The following BCAP29 variants were observed in gnomAD, a reference collection of about 807,000 sequenced individuals.
BCAP29 encodes B-cell receptor-associated protein 29.
BCAP29 carries 34 observed loss-of-function variants against 31.8 expected under a neutral mutation model. That is an observed-to-expected ratio of 1.07 (90% CI 0.81 to 1.42). The LOEUF is 1.42. Among genes scored for constraint, BCAP29 ranks in the 40% most tolerant of loss-of-function variants. The pLI is 0.00. For synonymous variants in BCAP29, 104 were observed against 91.3 expected (o/e 1.14, Z -0.79); for missense variants, 314 against 269.2 (o/e 1.17, Z -1.16).
At chr7:107,583,183 A>G (rs1010000982) in intron 2 of BCAP29, among the ~76,000 whole-genome samples, 3 of 152,040 alleles carry the variant, frequency 2.0e-5, no homozygotes, top group Admixed American at 6.6e-5. Context: ...CCACTTTGCC[A>G]TTTATAACCC....
At chr7:107,610,883 A>T (rs1813000961) in intron 6 of BCAP29, among the ~76,000 whole-genome samples, 1 of 152,134 alleles carries the variant, frequency 6.6e-6, no homozygotes, top group African/African-American at 2.4e-5. Context: ...ATTAAGACCA[A>T]CTCCTGTTCA....
intron 6 of BCAP29, among the ~76,000 whole-genome samples, chr7:107,601,711 A>T (rs1052970896): frequency 2.6e-5 from 4 of 152,236 alleles, no homozygotes; most frequent in African/African-American, 9.6e-5. Flanking sequence ...AAGAGAAACT[A>T]GTGTTCTTTT....
chr7:107,589,542 C>T (rs964722237), intron 3 of BCAP29, among the ~76,000 whole-genome samples: 2 of 152,136 alleles, frequency 1.3e-5, no homozygotes, highest in East Asian at 1.9e-4. Flanking sequence ...GTAATGTGAG[C>T]GATAAGGAGT....
intron 4 of BCAP29, among the ~76,000 whole-genome samples, chr7:107,594,842 G>T (rs914509669): frequency 1.9e-4 from 29 of 152,116 alleles, no homozygotes; most frequent in Non-Finnish European, 3.8e-4. Flanking sequence ...GAATTCAGAT[G>T]ATATACCCAA....
chr7:107,599,196 A>AATATATATTTATAAATATATAT (rs1810506403), intron 5 of BCAP29, among the ~76,000 whole-genome samples: 2 of 124,124 alleles, frequency 1.6e-5, no homozygotes, highest in African/African-American at 6.5e-5. Flanking sequence ...TATGTATATA[A>AATATATATTTATAAATATATAT]ATACATATTT....
chr7:107,605,270 A>G (rs145257973), intron 6 of BCAP29, among the ~76,000 whole-genome samples: 45 of 152,356 alleles, frequency 3.0e-4, no homozygotes, highest in African/African-American at 9.4e-4. Flanking sequence ...ACTAGCAAAC[A>G]TAACGATATC....
At chr7:107,613,871 C>T in intron 7 of BCAP29, 1 of 627,698 alleles carries the variant, frequency 1.6e-6, no homozygotes, top group East Asian at 2.9e-5. Context: ...TATCATTTAC[C>T]TCCAAATGTT....
chr7:107,606,628 G>A (rs1812152386), intron 6 of BCAP29, among the ~76,000 whole-genome samples: 1 of 152,166 alleles, frequency 6.6e-6, no homozygotes, highest in South Asian at 2.1e-4. Flanking sequence ...CTTAAATGTA[G>A]GGCATTGGGA....
chr7:107,583,300 T>TTA (rs150585484), intron 2 of BCAP29, among the ~76,000 whole-genome samples: 5,581 of 150,326 alleles, frequency 0.037, 191 homozygotes, highest in African/African-American at 0.092. Flanking sequence ...TTACATGGTT[T>TTA]TATATATATA....
At chr7:107,598,168 C>T (rs569071296) in intron 5 of BCAP29, among the ~76,000 whole-genome samples, 18 of 152,162 alleles carry the variant, frequency 1.2e-4, no homozygotes, top group Non-Finnish European at 2.2e-4. Flanking sequence ...TCAGCGAAAA[C>T]GTTCCTGCAA....
At position 107,619,586 on chromosome 7, in the gene BCAP29, A is replaced by T. The variant is rs1235617747; in HGVS notation, c.*1223A>T. On this transcript the variant is annotated 3_prime_UTR_variant, in exon 8 of 8. Transcript: ENST00000005259. ...ACCTAAAAATTTTATTTCAGATAAA[A>T]GTCAGGAGTTACTGCTAAAAAACAG... 6.6e-6 allele frequency: 1 copy of T among 152,156 alleles called. No homozygotes were observed. Among genetic ancestry groups the T allele is most frequent in the African/African-American group, 2.4e-5 (1 of 41,440 alleles). The allele number at this position is 152,156 out of a possible 1,614,324, so 9.4% of individuals were successfully genotyped here.
intron 3 of BCAP29, among the ~76,000 whole-genome samples, chr7:107,584,897 A>G (rs963964746): frequency 6.6e-6 from 1 of 152,230 alleles, no homozygotes; most frequent in African/African-American, 2.4e-5. Context: ...TTATTGGGAA[A>G]TGACCATGCC....
chr7:107,583,610 C>A (rs1233092908), intron 2 of BCAP29, among the ~76,000 whole-genome samples: 1 of 151,950 alleles, frequency 6.6e-6, no homozygotes, highest in African/African-American at 2.4e-5. Context: ...GCAAGAATTC[C>A]TTTTTAAGGT....
downstream of BCAP29, chr7:107,621,628 A>C (rs1309274897): frequency 2.2e-6 from 1 of 457,772 alleles, no homozygotes; most frequent in African/African-American, 2.0e-5. Context: ...ATGCTTATAT[A>C]GAAGCAAAGG....
At chr7:107,597,132 A>C (rs1382967475) in intron 5 of BCAP29, among the ~76,000 whole-genome samples, 1 of 152,256 alleles carries the variant, frequency 6.6e-6, no homozygotes, top group African/African-American at 2.4e-5. Flanking sequence ...AACAAAGGCC[A>C]TAAGTGAGAA....
intron 3 of BCAP29, chr7:107,587,757 A>G (rs1259192935): frequency 6.6e-6 from 1 of 152,178 alleles, no homozygotes; most frequent in Non-Finnish European, 1.5e-5. Flanking sequence ...CAGTAGATAT[A>G]GAAAATTTAA....
intron 3 of BCAP29, among the ~76,000 whole-genome samples, chr7:107,590,170 A>T (rs1419433007): frequency 5.3e-5 from 8 of 152,234 alleles, no homozygotes; most frequent in Non-Finnish European, 7.3e-5. Context: ...ATTTATTTTT[A>T]AAAAAGATTT....
In BCAP29 at chr7:107,618,401, T is replaced by C. The variant is rs1475994154; in HGVS notation, c.*38T>C. 3 of 1,612,300 alleles carry C rather than the reference T, an allele frequency of 1.9e-6. No homozygotes were observed. In the East Asian group the frequency reaches 6.7e-5, roughly 36 times the overall value. ...ACACTTGCAATATACTGTGTCAAAATGATAATTTTGTTATGTTAGCCTCTA... is the reference window on the plus strand; with the variant it reads ...ACACTTGCAATATACTGTGTCAAAACGATAATTTTGTTATGTTAGCCTCTA... On this transcript the variant is annotated 3_prime_UTR_variant, in exon 8 of 8. Transcript: ENST00000005259.
chr7:107,612,318 A>T (rs1813259484), intron 6 of BCAP29, among the ~76,000 whole-genome samples: 1 of 147,230 alleles, frequency 6.8e-6, no homozygotes, highest in Non-Finnish European at 1.5e-5. Flanking sequence ...TGACAACTCT[A>T]ATTTTTCTAC....
Sources: gnomAD v4.1 joint callset for allele counts (sites outside exome capture counted in the v4.1 genomes callset) on GRCh38, gnomAD v4.1.1 for gene constraint, MANE v1.5 for transcripts, NCBI Gene and HGNC (gene_info 2026-07-23, HGNC 2026-07-21) for gene names.